NCAM1: variants seen among roughly 807,000 people sequenced by gnomAD.
The protein encoded by NCAM1 is neural cell adhesion molecule 1.
A neutral mutation model predicts 109.8 loss-of-function variants in NCAM1; 14 were observed. That is an observed-to-expected ratio of 0.13 (90% CI 0.08 to 0.20). NCAM1 has a LOEUF of 0.20. Among genes scored for constraint, NCAM1 ranks in the 10% least tolerant of loss-of-function variants. The pLI is 1.00. For missense variants in NCAM1, 774 were observed against 1,109.9 expected, an observed-to-expected ratio of 0.70 and a Z score of 4.30; for synonymous variants, 418 against 442.9, an observed-to-expected ratio of 0.94 and a Z score of 0.70.
intron 1 of NCAM1, among the ~76,000 whole-genome samples, chr11:113,026,968 G>C (rs1344555444): frequency 3.3e-5 from 5 of 152,132 alleles, no homozygotes; most frequent in African/African-American, 1.2e-4. Flanking sequence ...TCCCTTGCAG[G>C]CTTGTTCAGA....
At chr11:113,069,285 A>G (rs1202767354) in intron 1 of NCAM1, among the ~76,000 whole-genome samples, 1 of 152,194 alleles carries the variant, frequency 6.6e-6, no homozygotes, top group Admixed American at 6.5e-5. Flanking sequence ...CTTATAAAAG[A>G]AAAGAGCTTT....
intron 1 of NCAM1, among the ~76,000 whole-genome samples, chr11:113,078,081 G>A (rs1274574116): frequency 1.3e-5 from 2 of 152,094 alleles, no homozygotes; most frequent in Non-Finnish European, 2.9e-5. Context: ...TAAAACAACA[G>A]AAATTTATTC....
At chr11:112,973,005 G>A (rs782257993) in intron 1 of NCAM1, among the ~76,000 whole-genome samples, 1 of 152,040 alleles carries the variant, frequency 6.6e-6, no homozygotes, top group Admixed American at 6.6e-5. Flanking sequence ...TTATGCCAGA[G>A]GAAATGAATA....
chr11:113,215,655 A>AT (rs1477826489), intron 8 of NCAM1, among the ~76,000 whole-genome samples: 7 of 152,170 alleles, frequency 4.6e-5, no homozygotes, highest in African/African-American at 1.4e-4. Flanking sequence ...ATAACCTATT[A>AT]TTTTTTGCAA....
chr11:113,046,848 G>T (rs1400876555), intron 1 of NCAM1, among the ~76,000 whole-genome samples: 1 of 149,824 alleles, frequency 6.7e-6, no homozygotes, highest in East Asian at 2.0e-4. Context: ...GGACATAGAT[G>T]GACAGACAGA....
At chr11:113,149,195 G>T (rs999237430) in intron 1 of NCAM1, among the ~76,000 whole-genome samples, 2 of 152,144 alleles carry the variant, frequency 1.3e-5, no homozygotes, top group Non-Finnish European at 2.9e-5. Context: ...CTGCCAGCTG[G>T]GGGGGCCTTC....
rs1946440099 is a variant in NCAM1, at chr11:113,278,009, T to C, written c.*2622T>C. The C allele has an allele frequency of 6.6e-6, 1 of 152,168 alleles. No individual in the cohort carries two copies. The highest frequency in any genetic ancestry group is 1.5e-5 in the Non-Finnish European group (1 of 68,034). The allele number at this position is 152,168 out of a possible 1,614,324, so 9.4% of individuals were successfully genotyped here. ...GGGATCAACTCCAGTTTCCAATGTCTATGTGTCTATGTGTGTATGTGCCAT... is the reference window on the plus strand; with the variant it reads ...GGGATCAACTCCAGTTTCCAATGTCCATGTGTCTATGTGTGTATGTGCCAT... On this transcript the variant is annotated 3_prime_UTR_variant, in exon 20 of 20. Transcript: ENST00000316851.
intron 1 of NCAM1, among the ~76,000 whole-genome samples, chr11:113,170,016 C>T (rs537330827): frequency 2.0e-5 from 3 of 152,226 alleles, no homozygotes; most frequent in East Asian, 3.9e-4. Context: ...TCAAGTGTCT[C>T]GATTCCTACA....
At chr11:113,251,966 C>A (rs1346097256) in intron 15 of NCAM1, among the ~76,000 whole-genome samples, 1 of 152,204 alleles carries the variant, frequency 6.6e-6, no homozygotes, top group Non-Finnish European at 1.5e-5. Flanking sequence ...CATTTCTAAT[C>A]TTTAAGAGAA....
Position 113,201,409 on chromosome 11 carries a change from A to G in NCAM1, c.53-970A>G, listed in dbSNP as rs1944054892. ...AAGCCTGTCCCTCCTGTTGGCCAGA[A>G]GAAGCCCCATGCACTGAACCAAATA... is the stretch of plus-strand genomic sequence containing the variant. On this transcript the variant is annotated intron_variant, in intron 1 of 19. Transcript: ENST00000316851. 1.3e-5 allele frequency among the ~76,000 whole-genome samples: 2 copies of G among 152,220 alleles called. 1 individual carries two copies. The highest frequency in any genetic ancestry group is 1.3e-4 in the Admixed American group (2 of 15,288).
chr11:113,140,632 A>G (rs782749718), intron 1 of NCAM1, among the ~76,000 whole-genome samples: 3 of 152,148 alleles, frequency 2.0e-5, no homozygotes, highest in Non-Finnish European at 4.4e-5. Flanking sequence ...CTTTGCATTA[A>G]TCTTGTTTAT....
At chr11:113,177,359 G>T (rs1219557843) in intron 1 of NCAM1, among the ~76,000 whole-genome samples, 1 of 152,102 alleles carries the variant, frequency 6.6e-6, no homozygotes, top group African/African-American at 2.4e-5. Flanking sequence ...CAGAAAATAA[G>T]ATGGGATTTG....
intron 1 of NCAM1, among the ~76,000 whole-genome samples, chr11:113,126,893 C>T (rs571749313): frequency 6.6e-6 from 1 of 152,326 alleles, no homozygotes; most frequent in East Asian, 1.9e-4. Flanking sequence ...CACCACACCT[C>T]CTAACAGTGT....
chr11:112,990,486 G>A (rs1029783587), intron 1 of NCAM1, among the ~76,000 whole-genome samples: 5 of 152,112 alleles, frequency 3.3e-5, no homozygotes, highest in African/African-American at 1.2e-4. Flanking sequence ...CCATTTCAGG[G>A]TTTTTTGTGG....
intron 17 of NCAM1, among the ~76,000 whole-genome samples, chr11:113,261,544 C>T (rs779898201): frequency 2.6e-5 from 4 of 152,066 alleles, no homozygotes; most frequent in East Asian, 3.9e-4. Flanking sequence ...GTCAGATGGT[C>T]GGTGCAGAAG....
intron 1 of NCAM1, among the ~76,000 whole-genome samples, chr11:113,041,556 A>G (rs1256816097): frequency 9.8e-5 from 15 of 152,342 alleles, no homozygotes; most frequent in African/African-American, 3.6e-4. Flanking sequence ...CTTCAGATTT[A>G]TTTTGACAAC....
intron 1 of NCAM1, among the ~76,000 whole-genome samples, chr11:113,050,079 A>G (rs1307051715): frequency 3.2e-5 from 4 of 123,570 alleles, no homozygotes; most frequent in African/African-American, 1.2e-4. Context: ...GGGCTTTTCT[A>G]TTCCATTTTT....
intron 1 of NCAM1, among the ~76,000 whole-genome samples, chr11:113,165,817 AT>A (rs5794848): frequency 1.9e-4 from 27 of 145,214 alleles, no homozygotes; most frequent in South Asian, 2.2e-4. Flanking sequence ...AAACCGACTG[AT>A]TTTTTTTTTT....
chr11:113,227,666 C>T (rs1041535800), intron 9 of NCAM1, among the ~76,000 whole-genome samples: 32 of 152,266 alleles, frequency 2.1e-4, no homozygotes, highest in African/African-American at 5.5e-4. Flanking sequence ...TGATGAACAT[C>T]GATGCAAAAA....
Sources: allele counts gnomAD v4.1 joint callset (sites outside exome capture counted in the v4.1 genomes callset), GRCh38; gene constraint gnomAD v4.1.1; transcripts MANE v1.5; gene names NCBI Gene and HGNC (gene_info 2026-07-23, HGNC 2026-07-21).